PGM1: variants seen among roughly 807,000 people sequenced by gnomAD.
PGM1 encodes phosphoglucomutase-1.
PGM1 carries 52 observed loss-of-function variants against 55.6 expected under a neutral mutation model. The ratio of observed to expected loss-of-function variants is 0.94; its 90% CI spans 0.75 to 1.18. PGM1 has a LOEUF of 1.18. Ranked by LOEUF, PGM1 falls within the 50% of genes most tolerant of loss-of-function variation. The probability of loss-of-function intolerance (pLI) is 0.00; values close to 1 mark genes in which losing one functional copy is unlikely to be tolerated. For synonymous variants in PGM1, 287 were observed against 271.7 expected (o/e 1.06, Z -0.55); for missense variants, 724 against 729.3 (o/e 0.99, Z 0.08).
At chr1:63,613,340 C>A (rs1311985535) in intron 1 of PGM1, among the ~76,000 whole-genome samples, 1 of 134,854 alleles carries the variant, frequency 7.4e-6, no homozygotes, top group African/African-American at 2.8e-5. Flanking sequence ...TGGCTTAAAA[C>A]AATGGATATT....
At chr1:63,626,666 A>G (rs568456148) in intron 1 of PGM1, among the ~76,000 whole-genome samples, 2 of 152,256 alleles carry the variant, frequency 1.3e-5, no homozygotes, top group South Asian at 2.1e-4. Flanking sequence ...ATCCATATCT[A>G]TAGATTGCAA....
At chr1:63,629,093 A>G (rs959856065) in intron 1 of PGM1, among the ~76,000 whole-genome samples, 4 of 152,240 alleles carry the variant, frequency 2.6e-5, no homozygotes, top group African/African-American at 4.8e-5. Flanking sequence ...TATTCTTTCA[A>G]TGCATCCAAA....
chr1:63,617,566 G>A (rs976450368), intron 1 of PGM1, among the ~76,000 whole-genome samples: 1 of 151,746 alleles, frequency 6.6e-6, no homozygotes, highest in Admixed American at 6.6e-5. Context: ...AATTAGCAGG[G>A]CATGGTGGCA....
rs1649670948 is a variant in PGM1 at position 63,647,256 on chromosome 1, T to TTATATA, written c.1145-1259_1145-1258insTATATA. On this transcript the variant is annotated intron_variant, in intron 7 of 10. Transcript: ENST00000371084. ...AAACTCCGTCTCAAAAAATAAAATTTTACATATATATATATATATATATAT... is the reference window on the plus strand; with the variant it reads ...AAACTCCGTCTCAAAAAATAAAATTTTATATATACATATATATATATATATATATAT... 3.1e-4 allele frequency among the ~76,000 whole-genome samples: 16 copies of TTATATA among 51,594 alleles called. 1 individual carries two copies. Among genetic ancestry groups the TTATATA allele is most frequent in the African/African-American group, 5.3e-4 (15 of 28,196 alleles). The allele number at this position is 51,594 out of a possible 152,430, so 33.8% of individuals were successfully genotyped here.
Position 63,631,680 on chromosome 1 carries a change from G to T in PGM1, c.580G>T (p.Ala194Ser), listed in dbSNP as rs1351967526. Reference sequence around the variant, plus strand: ...AGTGGAAATTGTGGATTCGGTAGAAGCTTATGCTACAATGCTGAGAAGCAT... The same window carrying T: ...AGTGGAAATTGTGGATTCGGTAGAATCTTATGCTACAATGCTGAGAAGCAT... ...FTVEIVDSVE[A>S]YATMLRSIFD... is the part of the protein sequence containing the mutation. The change falls in exon 4 of 11, where the codon GCT (alanine) becomes TCT (serine). Residue 194 changes from alanine (A) to serine (S), a missense_variant. Physicochemically the swap from Ala to Ser is moderately conservative, Grantham distance 99. Around this residue, in one of 3 missense-constraint regions of PGM1, gnomAD observed 379 missense variants for 357.5 expected, o/e 1.06. Transcript: ENST00000371084. 6.2e-7 allele frequency: 1 copy of T among 1,613,560 alleles called. No homozygotes were observed. Among genetic ancestry groups the T allele is most frequent in the Non-Finnish European group, 8.5e-7 (1 of 1,179,466 alleles).
At chr1:63,615,217 A>T (rs984686821) in intron 1 of PGM1, among the ~76,000 whole-genome samples, 3 of 152,228 alleles carry the variant, frequency 2.0e-5, no homozygotes, top group Non-Finnish European at 4.4e-5. Context: ...GAAGGATGTG[A>T]TCAGTCCTTA....
chr1:63,600,702 T>C (rs182060715), intron 1 of PGM1, among the ~76,000 whole-genome samples: 223 of 152,320 alleles, frequency 1.5e-3, no homozygotes, highest in Non-Finnish European at 1.9e-3. Context: ...GAGTGAGCCA[T>C]GCAGATATCC....
Position 63,638,804 on chromosome 1 carries a change from A to G in PGM1, c.1144+4A>G. 6.3e-7 allele frequency: 1 copy of G among 1,591,900 alleles called. No homozygotes were observed. The highest frequency in any genetic ancestry group is 8.6e-7 in the Non-Finnish European group (1 of 1,159,624). On this transcript the variant is annotated splice_donor_region_variant and intron_variant, in intron 7 of 10. Transcript: ENST00000371084. ...GGGGAGGAGAGCTTCGGGACCGGTA[A>G]GTCACACTCCTGTGCTAGCATTTTC...
chr1:63,633,131 T>C (rs1325687591), intron 4 of PGM1, among the ~76,000 whole-genome samples: 2 of 152,126 alleles, frequency 1.3e-5, no homozygotes, highest in Non-Finnish European at 2.9e-5. Context: ...TTTGACTAGG[T>C]ATAAAGAAAG....
intron 1 of PGM1, among the ~76,000 whole-genome samples, chr1:63,596,226 CTTCT>C (rs142520060): frequency 0.24 from 33,356 of 136,824 alleles, 5,560 homozygotes; most frequent in African/African-American, 0.48. Context: ...AGGTTTCTTT[CTTCT>C]TTCTTTCTTT....
chr1:63,616,689 T>A (rs1307026301), intron 1 of PGM1, among the ~76,000 whole-genome samples: 1 of 150,612 alleles, frequency 6.6e-6, no homozygotes, highest in Non-Finnish European at 1.5e-5. Flanking sequence ...GGTTGTACAC[T>A]CTCTGAGGCA....
rs912988819 is a variant in PGM1 at position 63,593,412 on chromosome 1, G to T, written c.-77G>T. ...CCCCACCCGCCGTGCCCTCACCCCAGAGCAGCTGCAGCCTCAGCCGGCCGC... is the reference window on the plus strand; with the variant it reads ...CCCCACCCGCCGTGCCCTCACCCCATAGCAGCTGCAGCCTCAGCCGGCCGC... On this transcript the variant is annotated 5_prime_UTR_variant, in exon 1 of 11. Transcript: ENST00000371084. 5.6e-6 allele frequency: 9 copies of T among 1,601,216 alleles called. No individual in the cohort carries two copies. In the Admixed American group the frequency reaches 1.5e-4, roughly 27 times the overall value.
At chr1:63,612,412 G>A (rs1027785672) in intron 1 of PGM1, among the ~76,000 whole-genome samples, 9 of 152,180 alleles carry the variant, frequency 5.9e-5, no homozygotes, top group Non-Finnish European at 1.2e-4. Context: ...TAGAATGATT[G>A]ATATATAGTT....
chr1:63,605,212 C>A (rs1283452443), intron 1 of PGM1, among the ~76,000 whole-genome samples: 1 of 152,080 alleles, frequency 6.6e-6, no homozygotes, highest in East Asian at 1.9e-4. Flanking sequence ...GCTTATGTAA[C>A]CTGCTTCCTG....
chr1:63,650,525 A>G (rs1649780656), intron 8 of PGM1, among the ~76,000 whole-genome samples: 1 of 152,196 alleles, frequency 6.6e-6, no homozygotes. Context: ...GATTCATAGA[A>G]TCCTGGAGCC....
At chr1:63,633,949 T>TTA (rs1649291366) in intron 4 of PGM1, among the ~76,000 whole-genome samples, 2 of 132,094 alleles carry the variant, frequency 1.5e-5, no homozygotes, top group African/African-American at 5.7e-5. Flanking sequence ...TTTTTTTTTT[T>TTA]TTTTTTTTTT....
At chr1:63,655,898 A>C (rs7541882) in intron 10 of PGM1, 39,860 of 152,264 alleles carry the variant, frequency 0.26, 5,759 homozygotes, top group Admixed American at 0.35. Context: ...GTACCTCCCG[A>C]GAGGGGAACC....
rs890792229 is a variant in PGM1 at position 63,651,698 on chromosome 1, G to A, written c.1310G>A (p.Gly437Asp). The A allele has an allele frequency of 6.2e-7, 1 of 1,613,812 alleles. No individual in the cohort carries two copies. Residue 437 changes from glycine (G) to aspartate (D), a missense_variant, in exon 9 of 11, where the codon GGC becomes GAC. Physicochemically the swap from Gly to Asp is moderately conservative, Grantham distance 94 (BLOSUM62 -1). Transcript: ENST00000371084. ...GATTACGAGGAGGTGGAAGCTGAGG[G>A]CGCAAACAAAATGATGAAGGACTTG... ...RYDYEEVEAE[G>D]ANKMMKDLEA...
intron 1 of PGM1, among the ~76,000 whole-genome samples, chr1:63,605,313 A>G (rs1250373622): frequency 1.3e-5 from 2 of 152,156 alleles, no homozygotes; most frequent in Non-Finnish European, 1.5e-5. Flanking sequence ...CAAATTTAGT[A>G]GTCTTCTGGC....
Sources: allele counts gnomAD v4.1 joint callset (sites outside exome capture counted in the v4.1 genomes callset), GRCh38; gene constraint gnomAD v4.1.1; regional missense constraint gnomAD v4.1.1; transcripts MANE v1.5; gene names NCBI Gene and HGNC (gene_info 2026-07-23, HGNC 2026-07-21).